VKORC1L1: variants seen among roughly 807,000 people sequenced by gnomAD.
VKORC1L1 encodes vitamin K epoxide reductase complex subunit 1-like protein 1.
In VKORC1L1, 2 loss-of-function variants were observed where a neutral mutation model predicts 18.9. The ratio of observed to expected loss-of-function variants is 0.11; its 90% CI spans 0.04 to 0.33. The LOEUF (loss-of-function observed/expected upper bound fraction) is 0.33, where lower values mean the gene tolerates loss of function less well. Ranked by LOEUF, VKORC1L1 falls within the 10% of genes least tolerant of loss-of-function variation. The pLI is 1.00. For missense variants in VKORC1L1, 123 were observed against 224.1 expected (o/e 0.55, Z 2.88); for synonymous variants, 96 against 100.0 (o/e 0.96, Z 0.24).
chr7:65,871,167 G>A (rs1788720916), upstream of VKORC1L1, among the ~76,000 whole-genome samples: 1 of 151,854 alleles, frequency 6.6e-6, no homozygotes, highest in Non-Finnish European at 1.5e-5. Flanking sequence ...TGGACCTAGG[G>A]ACTATTTTCT....
chr7:65,878,643 G>A (rs1200409856), intron 1 of VKORC1L1, among the ~76,000 whole-genome samples: 2 of 152,082 alleles, frequency 1.3e-5, no homozygotes, highest in Non-Finnish European at 2.9e-5. Flanking sequence ...AGTGGCTCAC[G>A]CCTGTAATCT....
the VKORC1L1 span, among the ~76,000 whole-genome samples, chr7:65,867,427 C>A: frequency 6.6e-6 from 1 of 152,052 alleles, no homozygotes. Flanking sequence ...TAATATATAA[C>A]CCCAAAACTT....
intron 1 of VKORC1L1, among the ~76,000 whole-genome samples, chr7:65,895,453 GAAAAAAAAAAAAAA>G (rs1167891625): frequency 6.4e-4 from 17 of 26,664 alleles, no homozygotes; most frequent in East Asian, 1.8e-3. Context: ...CCATCTGTGA[GAAAAAAAAAAAAAA>G]AAAAAAAAAA....
chr7:65,895,153 G>A (rs1789170814), intron 1 of VKORC1L1, among the ~76,000 whole-genome samples: 1 of 151,852 alleles, frequency 6.6e-6, no homozygotes, highest in African/African-American at 2.4e-5. Flanking sequence ...GGTACTTCTG[G>A]CCATATGGTA....
At chr7:65,868,571 T>G (rs913834910), upstream of VKORC1L1, among the ~76,000 whole-genome samples, 1 of 152,216 alleles carries the variant, frequency 6.6e-6, no homozygotes, top group African/African-American at 2.4e-5. Flanking sequence ...GGAATCAACC[T>G]AAGTGTCCAT....
upstream of VKORC1L1, among the ~76,000 whole-genome samples, chr7:65,868,164 G>C (rs1323582584): frequency 1.3e-5 from 2 of 151,928 alleles, no homozygotes; most frequent in Admixed American, 1.3e-4. Context: ...TTAGTAAAAA[G>C]TCAGAAAACA....
intron 1 of VKORC1L1, among the ~76,000 whole-genome samples, chr7:65,877,823 A>G (rs1160193766): frequency 6.6e-6 from 1 of 152,162 alleles, no homozygotes; most frequent in South Asian, 2.1e-4. Context: ...TAGAACATAT[A>G]CCATAGGGGA....
chr7:65,935,318 CTT>C (rs1307331448), intron 1 of VKORC1L1, among the ~76,000 whole-genome samples: 1 of 147,334 alleles, frequency 6.8e-6, no homozygotes, highest in Non-Finnish European at 1.5e-5. Flanking sequence ...TCCATGGTTT[CTT>C]TTTTTTTTGA....
At chr7:65,899,032 A>G (rs1789264906) in intron 1 of VKORC1L1, among the ~76,000 whole-genome samples, 1 of 152,244 alleles carries the variant, frequency 6.6e-6, no homozygotes, top group Non-Finnish European at 1.5e-5. Flanking sequence ...AAGAGCACTA[A>G]AGTAAAAAGA....
chr7:65,956,998 T>C lies in VKORC1L1; in HGVS notation c.*2698T>C, dbSNP rs1261932523. 6.6e-6 allele frequency: 1 copy of C among 152,236 alleles called. No homozygotes were observed. The highest frequency in any genetic ancestry group is 2.4e-5 in the African/African-American group (1 of 41,472). 9.4% of individuals were successfully genotyped at this position (152,236 alleles called of 1,614,324 possible). ...GTTAGATGATAAATTCTAGGGAATC[T>C]AGGTGATTTGGAGGATTTCATTTGT... is the stretch of plus-strand genomic sequence containing the variant. On this transcript the variant is annotated 3_prime_UTR_variant, in exon 3 of 3. Coordinates refer to ENST00000360768, the MANE Select transcript of VKORC1L1 (RefSeq NM_173517.6).
chr7:65,888,896 G>T (rs979818032), intron 1 of VKORC1L1, among the ~76,000 whole-genome samples: 1 of 152,106 alleles, frequency 6.6e-6, no homozygotes, highest in African/African-American at 2.4e-5. Context: ...CTGTTGGGTT[G>T]TTGCTTGTGT....
Position 65,941,833 on chromosome 7 carries a change from C to T in VKORC1L1, c.195-6838C>T, listed in dbSNP as rs577932215. Among the ~76,000 whole-genome samples, 7 of 151,742 alleles carry T rather than the reference C, an allele frequency of 4.6e-5. No individual in the cohort carries two copies. In the South Asian group the frequency reaches 1.2e-3, roughly 27 times the overall value. ...TGGGACTATAAGGCGAGTGCTACCACGTATTTGAGTAGAGATGGGATTTCA... is the reference window on the plus strand; with the variant it reads ...TGGGACTATAAGGCGAGTGCTACCATGTATTTGAGTAGAGATGGGATTTCA... On this transcript the variant is annotated intron_variant, in intron 1 of 2. Transcript: ENST00000360768.
At chr7:65,917,386 AAT>A (rs1199548114) in intron 1 of VKORC1L1, among the ~76,000 whole-genome samples, 5 of 152,084 alleles carry the variant, frequency 3.3e-5, no homozygotes, top group Admixed American at 3.3e-4. Context: ...GGACAGTCAG[AAT>A]TCCTGTAAGT....
chr7:65,925,320 CAG>C (rs1196265263), intron 1 of VKORC1L1, among the ~76,000 whole-genome samples: 1 of 152,156 alleles, frequency 6.6e-6, no homozygotes, highest in African/African-American at 2.4e-5. Context: ...AGCCAGTTGT[CAG>C]ATCCTGTCAG....
At chr7:65,927,708 T>A (rs1054879870) in intron 1 of VKORC1L1, among the ~76,000 whole-genome samples, 1 of 152,198 alleles carries the variant, frequency 6.6e-6, no homozygotes, top group African/African-American at 2.4e-5. Context: ...GGATTAAGAT[T>A]TCAAGTATGT....
At chr7:65,880,655 T>C (rs922423827) in intron 1 of VKORC1L1, among the ~76,000 whole-genome samples, 8 of 152,148 alleles carry the variant, frequency 5.3e-5, no homozygotes, top group Non-Finnish European at 7.3e-5. Context: ...CACACAGATC[T>C]GGGAATTTAA....
intron 1 of VKORC1L1, among the ~76,000 whole-genome samples, chr7:65,890,772 G>A (rs1789098895): frequency 6.6e-6 from 1 of 152,156 alleles, no homozygotes; most frequent in South Asian, 2.1e-4. Context: ...TTGTCAGTCT[G>A]TTAAATTATA....
intron 1 of VKORC1L1, among the ~76,000 whole-genome samples, chr7:65,906,424 C>G (rs141479946): frequency 1.3e-5 from 2 of 152,000 alleles, no homozygotes; most frequent in African/African-American, 4.8e-5. Context: ...AAAGTTAGGT[C>G]TAAGAGTTTT....
At chr7:65,953,166 A>C (rs906281057) in intron 2 of VKORC1L1, among the ~76,000 whole-genome samples, 68 of 152,218 alleles carry the variant, frequency 4.5e-4, no homozygotes, top group African/African-American at 1.5e-3. Context: ...ATCAGGTTTG[A>C]CCCACATGCA....
Sources: gnomAD v4.1 joint callset for allele counts (sites outside exome capture counted in the v4.1 genomes callset) on GRCh38, gnomAD v4.1.1 for gene constraint, MANE v1.5 for transcripts, NCBI Gene and HGNC (gene_info 2026-07-23, HGNC 2026-07-21) for gene names.